Variants in DNAH14 observed in about 807,000 individuals in gnomAD.
DNAH14 encodes the protein dynein axonemal heavy chain 14, also known as axonemal beta dynein heavy chain 14.
Under a neutral mutation model 520.9 loss-of-function variants are expected in DNAH14, and 478 were observed. That is an observed-to-expected ratio of 0.92 (90% CI 0.85 to 0.99). DNAH14 has a LOEUF of 0.99. DNAH14 is among the 50% of genes least tolerant of loss of function. DNAH14 has a pLI of 0.00. For missense variants in DNAH14, 4,831 were observed against 5,234.5 expected, an observed-to-expected ratio of 0.92 and a Z score of 2.38; for synonymous variants, 1,581 against 1,757.2, an observed-to-expected ratio of 0.90 and a Z score of 2.51.
At chr1:225,042,708 T>C in intron 12 of DNAH14, 127 bp from the exon 13 acceptor site, 1 of 978,740 alleles carries the variant, frequency 1.0e-6, no homozygotes. Context: ...AGGTATTTGG[T>C]AATACAGTGT....
At chr1:225,168,424 C>G (rs142250659) in intron 36 of DNAH14, among the ~76,000 whole-genome samples, 2,560 of 152,272 alleles carry the variant, frequency 0.017, 62 homozygotes, top group East Asian at 0.053. Context: ...TGACAGACGG[C>G]ACCTGGAAAA....
At chr1:225,349,765 T>C (rs973498967) in intron 71 of DNAH14, among the ~76,000 whole-genome samples, 1 of 152,180 alleles carries the variant, frequency 6.6e-6, no homozygotes, top group African/African-American at 2.4e-5. Context: ...AATAAATGCT[T>C]ATTCACTAAA....
At chr1:225,353,776 C>A in intron 72 of DNAH14, 27 bp from the exon 73 acceptor site, 2 of 1,154,128 alleles carry the variant, frequency 1.7e-6, no homozygotes, top group Non-Finnish European at 2.5e-6. Context: ...CTGTTAATGC[C>A]AGTTTCTTTC....
At chr1:225,326,702 G>A (rs181357370) in intron 64 of DNAH14, among the ~76,000 whole-genome samples, 65 of 151,972 alleles carry the variant, frequency 4.3e-4, no homozygotes, top group Admixed American at 3.1e-3. Context: ...GGAAAAACAG[G>A]GCATTCAAGA....
intron 21 of DNAH14, among the ~76,000 whole-genome samples, chr1:225,094,711 A>G (rs1573021966): frequency 6.7e-6 from 1 of 149,188 alleles, no homozygotes; most frequent in African/African-American, 2.4e-5. Flanking sequence ...AACGCTATCA[A>G]CAGAGTAAAC....
rs564345274 is a variant in DNAH14 at position 225,042,976 on chromosome 1, C to T, written c.1630C>T (p.Pro544Ser). 1.4e-4 allele frequency: 218 copies of T among 1,551,520 alleles called. No individual in the cohort carries two copies. Among genetic ancestry groups the T allele is most frequent in the Non-Finnish European group, 1.8e-4 (207 of 1,147,010 alleles). The stretch of plus-strand genomic sequence containing the variant: ...GAACTTTCATGAGTCTGACCAGTGC[C>T]CTGAAGAGTGTGTGATGTTTGAAGA... ...KENFHESDQC[P>S]EECVMFEDEM... The change falls in exon 13 of 86, where the codon CCT (proline) becomes TCT (serine). Residue 544 changes from proline (P) to serine (S), a missense_variant. Transcript: ENST00000682510.
In DNAH14 at chr1:225,152,880, A is replaced by C; in HGVS notation, c.5193A>C (p.Gln1731His). 6.5e-7 allele frequency: 1 copy of C among 1,547,988 alleles called. No homozygotes were observed. Among genetic ancestry groups the C allele is most frequent in the Non-Finnish European group, 8.7e-7 (1 of 1,146,200 alleles). Reference protein sequence around the residue: ...LYELARKQLSQQDHYNFGLRS... With the variant: ...LYELARKQLSHQDHYNFGLRS... Reference sequence around the variant, plus strand: ...AATTAGCGCGCAAACAGCTCTCACAACAGGTAAATAGCTACTTTTCTCAAA... The same window carrying C: ...AATTAGCGCGCAAACAGCTCTCACACCAGGTAAATAGCTACTTTTCTCAAA... Residue 1731 changes from glutamine (Q) to histidine (H), a missense_variant, in exon 33 of 86, where the codon CAA becomes CAC. Transcript: ENST00000682510.
intron 28 of DNAH14, among the ~76,000 whole-genome samples, chr1:225,141,337 T>C (rs2079443894): frequency 1.3e-5 from 2 of 152,136 alleles, no homozygotes; most frequent in Admixed American, 6.5e-5. Flanking sequence ...TTTTATTATG[T>C]CATTGTTTTT....
At chr1:225,161,857 G>T (rs1400279535) in intron 35 of DNAH14, among the ~76,000 whole-genome samples, 2 of 152,056 alleles carry the variant, frequency 1.3e-5, no homozygotes, top group African/African-American at 2.4e-5. Flanking sequence ...TGGATTATTA[G>T]ATTTGCTCCT....
At chr1:224,951,129 G>A (rs1024878679) in intron 1 of DNAH14, among the ~76,000 whole-genome samples, 1 of 151,982 alleles carries the variant, frequency 6.6e-6, no homozygotes, top group Non-Finnish European at 1.5e-5. Context: ...GGGTTCTAGC[G>A]ATTTGCCTGC....
Position 225,354,078 on chromosome 1 carries a change from G to T in DNAH14, c.11619+190G>T, listed in dbSNP as rs2095403355. On this transcript the variant is annotated intron_variant, in intron 73 of 85. Coordinates refer to ENST00000682510, the MANE Select transcript of DNAH14 (RefSeq NM_001367479.1). ...CTTTCATGTGGAGAGTCCAATGTGA[G>T]TAACATTCCTGGAGTCCCTCTGTCC... 3 of 697,154 alleles carry T rather than the reference G, an allele frequency of 4.3e-6. No homozygotes were observed. In the Admixed American group the frequency reaches 6.2e-5, roughly 14 times the overall value. The allele number at this position is 697,154 out of a possible 1,614,324, so 43.2% of individuals were successfully genotyped here.
At chr1:225,137,549 T>A (rs957310026) in intron 27 of DNAH14, among the ~76,000 whole-genome samples, 1 of 152,140 alleles carries the variant, frequency 6.6e-6, no homozygotes, top group Non-Finnish European at 1.5e-5. Flanking sequence ...AGAGACAGCA[T>A]TTCACCATGT....
intron 7 of DNAH14, 50 bp downstream of exon 7, chr1:224,968,924 G>A: frequency 7.8e-7 from 1 of 1,278,232 alleles, no homozygotes; most frequent in Non-Finnish European, 1.1e-6. Flanking sequence ...TCCTATTGAA[G>A]GAGCAGTTGC....
intron 27 of DNAH14, among the ~76,000 whole-genome samples, chr1:225,133,825 G>A (rs905371768): frequency 2.2e-4 from 34 of 152,068 alleles, no homozygotes; most frequent in Non-Finnish European, 4.3e-4. Context: ...CAGTATGGCC[G>A]TTTTTATGAT....
chr1:225,151,615 TG>T (rs2080509128), intron 31 of DNAH14, among the ~76,000 whole-genome samples: 1 of 152,222 alleles, frequency 6.6e-6, no homozygotes, highest in Admixed American at 6.5e-5. Flanking sequence ...GGAGACAGGC[TG>T]TGTTCCATGC....
At chr1:225,103,613 G>C (rs1245253748) in intron 23 of DNAH14, among the ~76,000 whole-genome samples, 5 of 152,074 alleles carry the variant, frequency 3.3e-5, no homozygotes, top group Admixed American at 1.3e-4. Flanking sequence ...CACGTCCCTT[G>C]TAAGTTGGAT....
chr1:225,393,938 C>G (rs911034661), intron 84 of DNAH14, among the ~76,000 whole-genome samples: 2 of 151,932 alleles, frequency 1.3e-5, no homozygotes, highest in Non-Finnish European at 2.9e-5. Context: ...CCTGCCTCAG[C>G]CTCCCAAGCA....
intron 5 of DNAH14, among the ~76,000 whole-genome samples, chr1:224,965,071 A>G (rs2061078258): frequency 6.6e-6 from 1 of 151,938 alleles, no homozygotes; most frequent in Non-Finnish European, 1.5e-5. Flanking sequence ...TTTCTTACCC[A>G]TTAGCCTCTT....
Position 225,303,290 on chromosome 1 carries a change from T to C in DNAH14, c.8766T>C (p.Ala2922=). The C allele has an allele frequency of 6.4e-7, 1 of 1,551,416 alleles. No individual in the cohort carries two copies. Among genetic ancestry groups the C allele is most frequent in the African/African-American group, 1.4e-5 (1 of 73,108 alleles). The part of the protein sequence containing the change: ...IDWYERWPEE[A]LLIVANSFLK... ...GGTATGAGAGGTGGCCAGAAGAAGC[T>C]CTCCTTATTGTAGCTAACTCATTCT... The change falls in exon 57 of 86, where the codon GCT becomes GCC. Residue 2922 remains alanine (A), a synonymous_variant. Transcript: ENST00000682510.
Sources: gnomAD v4.1 joint callset for allele counts (sites outside exome capture counted in the v4.1 genomes callset) on GRCh38, gnomAD v4.1.1 for gene constraint, MANE v1.5 for transcripts, NCBI Gene and HGNC (gene_info 2026-07-23, HGNC 2026-07-21) for gene names.